The following CACNA1D variants were observed in gnomAD, a reference collection of about 807,000 sequenced individuals.
CACNA1D encodes voltage-dependent L-type calcium channel subunit alpha-1D.
CACNA1D carries 55 observed loss-of-function variants against 257.1 expected under a neutral mutation model. The ratio of observed to expected loss-of-function variants is 0.21; its 90% CI spans 0.17 to 0.27. The LOEUF (loss-of-function observed/expected upper bound fraction) is 0.27. CACNA1D is among the 10% of genes least tolerant of loss of function. The pLI is 1.00. For synonymous variants in CACNA1D, 980 were observed against 1,014.9 expected (o/e 0.97, Z 0.65); for missense variants, 1,876 against 2,784.0 (o/e 0.67, Z 7.34).
At chr3:53,596,172 C>A (rs60385590) in intron 3 of CACNA1D, among the ~76,000 whole-genome samples, 39,599 of 151,924 alleles carry the variant, frequency 0.26, 5,403 homozygotes, top group African/African-American at 0.32. Context: ...ATGCTGGGGA[C>A]GGACAGCTGT....
intron 14 of CACNA1D, among the ~76,000 whole-genome samples, chr3:53,726,412 C>T (rs1447043064): frequency 1.3e-5 from 2 of 151,256 alleles, no homozygotes; most frequent in Non-Finnish European, 2.9e-5. Context: ...CTGAAGTGGG[C>T]GGAACACTTG....
chr3:53,594,592 G>A (rs1031523089), intron 3 of CACNA1D, among the ~76,000 whole-genome samples: 1 of 152,262 alleles, frequency 6.6e-6, no homozygotes. Flanking sequence ...CCTGGTAAGG[G>A]TGGTCAGGGA....
At chr3:53,591,667 T>C (rs953027859) in intron 3 of CACNA1D, among the ~76,000 whole-genome samples, 1 of 152,218 alleles carries the variant, frequency 6.6e-6, no homozygotes, top group African/African-American at 2.4e-5. Context: ...CCCTAGTAAT[T>C]GGCAATTATA....
chr3:53,633,624 C>G (rs577046937), intron 3 of CACNA1D, among the ~76,000 whole-genome samples: 2 of 152,310 alleles, frequency 1.3e-5, no homozygotes, highest in East Asian at 3.9e-4. Context: ...TTTCAGCTTG[C>G]CTCCTCCTGA....
intron 3 of CACNA1D, among the ~76,000 whole-genome samples, chr3:53,625,119 C>G (rs2093741912): frequency 6.6e-6 from 1 of 152,144 alleles, no homozygotes; most frequent in Non-Finnish European, 1.5e-5. Flanking sequence ...GAGCTCAGTA[C>G]AGTAGGCTAT....
intron 8 of CACNA1D, chr3:53,679,491 T>C (rs1394920719): frequency 6.6e-6 from 1 of 152,046 alleles, no homozygotes; most frequent in Admixed American, 6.6e-5. Flanking sequence ...TTTGTCACCA[T>C]ATTCAGAATA....
At chr3:53,631,223 G>A (rs2093819754) in intron 3 of CACNA1D, among the ~76,000 whole-genome samples, 1 of 152,160 alleles carries the variant, frequency 6.6e-6, no homozygotes, top group South Asian at 2.1e-4. Context: ...TCTCAAAATT[G>A]GAGTCAATCC....
intron 9 of CACNA1D, among the ~76,000 whole-genome samples, chr3:53,713,290 C>A (rs1165886230): frequency 2.0e-5 from 3 of 152,202 alleles, no homozygotes; most frequent in Non-Finnish European, 2.9e-5. Context: ...TCTTACAGAT[C>A]TGGTAGCCAA....
chr3:53,676,987 G>C (rs994071666), intron 8 of CACNA1D, among the ~76,000 whole-genome samples: 1 of 152,210 alleles, frequency 6.6e-6, no homozygotes. Context: ...CCAGGAATTG[G>C]AAAGAATGTC....
intron 3 of CACNA1D, among the ~76,000 whole-genome samples, chr3:53,575,709 T>A (rs904800376): frequency 6.7e-6 from 1 of 148,560 alleles, no homozygotes; most frequent in Non-Finnish European, 1.5e-5. Context: ...CATACACCAA[T>A]TGGTTTAATG....
chr3:53,802,068 T>G (rs1156334611), intron 42 of CACNA1D, 79 bp from the exon 43 acceptor site: 2 of 1,240,494 alleles, frequency 1.6e-6, no homozygotes, highest in Non-Finnish European at 2.4e-6. Context: ...GGAGGTAGCC[T>G]GATGTTTGCA....
rs2095610344 is a variant in CACNA1D at position 53,813,631 on chromosome 3, C to T, written c.*2225C>T. On this transcript the variant is annotated 3_prime_UTR_variant, in exon 48 of 48. Coordinates refer to ENST00000350061, the MANE Select transcript of CACNA1D (RefSeq NM_001128840.3). ...GCGATGATCTTTTCCAAAGTCAGTA[C>T]TTACAAACTGGCATTCTTACAGGCT... 1 of 152,180 alleles carries T rather than the reference C, an allele frequency of 6.6e-6. No individual in the cohort carries two copies. The highest frequency in any genetic ancestry group is 2.4e-5 in the African/African-American group (1 of 41,452). The allele number at this position is 152,180 out of a possible 1,614,324, so 9.4% of individuals were successfully genotyped here.
chr3:53,593,338 C>T (rs1284946137), intron 3 of CACNA1D, among the ~76,000 whole-genome samples: 1 of 152,170 alleles, frequency 6.6e-6, no homozygotes, highest in Non-Finnish European at 1.5e-5. Context: ...GCCAGCTTGT[C>T]TTGTTTCTGA....
At chr3:53,615,940 T>C (rs2093631908) in intron 3 of CACNA1D, among the ~76,000 whole-genome samples, 2 of 152,220 alleles carry the variant, frequency 1.3e-5, no homozygotes, top group South Asian at 4.1e-4. Flanking sequence ...TTGTTACAGC[T>C]GGCCTGTCAG....
chr3:53,659,871 G>A (rs1000499425), intron 4 of CACNA1D, among the ~76,000 whole-genome samples: 3 of 152,208 alleles, frequency 2.0e-5, no homozygotes, highest in Admixed American at 2.0e-4. Flanking sequence ...TTCCCAGGGA[G>A]TCCCCTCTTC....
At chr3:53,808,947 C>G in intron 46 of CACNA1D, 177 bp downstream of exon 46, 1 of 675,694 alleles carries the variant, frequency 1.5e-6, no homozygotes, top group Non-Finnish European at 2.5e-6. Flanking sequence ...GAGTCCCATG[C>G]TGCCCAAGCT....
Position 53,751,718 on chromosome 3 carries a change from A to G in CACNA1D, c.3517-31A>G, listed in dbSNP as rs1261135098. 1 of 1,613,844 alleles carries G rather than the reference A, an allele frequency of 6.2e-7. No homozygotes were observed. The highest frequency in any genetic ancestry group is 8.5e-7 in the Non-Finnish European group (1 of 1,179,814). On this transcript the variant is annotated intron_variant, in intron 27 of 47. Coordinates refer to ENST00000350061, the MANE Select transcript of CACNA1D (RefSeq NM_001128840.3). This position sits in a 1 kb window ranked among gnomAD's most constrained non-coding sequence, Gnocchi z 4.3. ...TCCTCCTTCCCTGCAAGTGCTCAGA[A>G]CCCCGTTTCTGCCCTTTTCTGCTGT... is the stretch of plus-strand genomic sequence containing the variant.
chr3:53,684,192 G>A (rs1437241509), intron 8 of CACNA1D, among the ~76,000 whole-genome samples: 1 of 152,182 alleles, frequency 6.6e-6, no homozygotes, highest in African/African-American at 2.4e-5. Flanking sequence ...ACAAAAGAAG[G>A]AAGTAGAAAA....
rs1298170789 is a variant in CACNA1D at position 53,740,135 on chromosome 3, C to T, written c.2752-145C>T. 1.7e-4 allele frequency: 128 copies of T among 743,828 alleles called. No homozygotes were observed. In the East Asian group the frequency reaches 3.0e-3, roughly 17 times the overall value. The allele number at this position is 743,828 out of a possible 1,614,324, so 46.1% of individuals were successfully genotyped here. On this transcript the variant is annotated intron_variant, in intron 20 of 47. Transcript: ENST00000350061. Reference sequence around the variant, plus strand: ...TAATTGACCAAAGTGGGCATTCACCCGTGGCTCTGCACTTACCTTCAGAAT... The same window carrying T: ...TAATTGACCAAAGTGGGCATTCACCTGTGGCTCTGCACTTACCTTCAGAAT...
Sources: gnomAD v4.1 joint callset for allele counts (sites outside exome capture counted in the v4.1 genomes callset) on GRCh38, gnomAD v4.1.1 for gene constraint, Gnocchi (gnomAD v3.1) non-coding constraint, MANE v1.5 for transcripts, NCBI Gene and HGNC (gene_info 2026-07-23, HGNC 2026-07-21) for gene names.